Variants in CWC27 observed in about 807,000 individuals in gnomAD.
CWC27 encodes CWC27 spliceosome associated cyclophilin.
A neutral mutation model predicts 63.6 loss-of-function variants in CWC27; 47 were observed. The observed-to-expected ratio is 0.74, with a 90% CI of 0.58 to 0.94. The LOEUF is 0.94. Ranked by LOEUF, CWC27 falls within the 40% of genes least tolerant of loss-of-function variation. The probability of loss-of-function intolerance (pLI) is 0.00; values close to 1 mark genes in which losing one functional copy is unlikely to be tolerated. For missense variants in CWC27, 495 were observed against 554.3 expected (o/e 0.89, Z 1.07); for synonymous variants, 175 against 179.8 (o/e 0.97, Z 0.22).
chr5:64,860,054 T>G (rs546230903), intron 10 of CWC27, among the ~76,000 whole-genome samples: 1 of 152,206 alleles, frequency 6.6e-6, no homozygotes, highest in Non-Finnish European at 1.5e-5. Context: ...AGGCCCATTT[T>G]TAAATTGAGG....
intron 11 of CWC27, among the ~76,000 whole-genome samples, chr5:64,894,169 C>T (rs1747311355): frequency 6.6e-6 from 1 of 152,056 alleles, no homozygotes. Context: ...ACCTCGTGAT[C>T]CACCCGCCTT....
At chr5:64,773,838 G>C (rs1743346243) in intron 1 of CWC27, 1 of 152,162 alleles carries the variant, frequency 6.6e-6, no homozygotes, top group Non-Finnish European at 1.5e-5. Flanking sequence ...CTACCAAGGA[G>C]TATCTGCTGT....
chr5:64,937,031 A>G (rs1046853311), intron 11 of CWC27, among the ~76,000 whole-genome samples: 1 of 151,684 alleles, frequency 6.6e-6, no homozygotes. Flanking sequence ...TTTTGTTGAT[A>G]TTTTCAAAAA....
At chr5:64,772,488 A>G (rs765843569) in intron 1 of CWC27, among the ~76,000 whole-genome samples, 3 of 151,558 alleles carry the variant, frequency 2.0e-5, no homozygotes, top group East Asian at 3.9e-4. Flanking sequence ...GTAGCCGGGC[A>G]TGATGTTGTG....
Position 64,774,771 on chromosome 5 carries a change from C to A in CWC27, c.123C>A (p.Ile41=). 1.3e-6 allele frequency: 2 copies of A among 1,583,196 alleles called. No homozygotes were observed. Among genetic ancestry groups the A allele is most frequent in the Non-Finnish European group, 1.7e-6 (2 of 1,165,930 alleles). The stretch of plus-strand genomic sequence containing the variant: ...CTCCTAAAGCTTGCAGAAATTTTAT[C>A]CAACTTTGTTTGGAAGGTATGTTGA... ...KEAPKACRNF[I]QLCLEAYYDN... Residue 41 remains isoleucine (I), a synonymous_variant, in exon 2 of 14, where the codon ATC becomes ATA. Transcript: ENST00000381070.
At chr5:64,807,627 T>C (rs1007053622) in intron 10 of CWC27, 50 of 1,535,212 alleles carry the variant, frequency 3.3e-5, no homozygotes, top group Non-Finnish European at 4.3e-5. Flanking sequence ...GTATCTTGAC[T>C]ACTGGATACA....
chr5:64,895,985 G>C (rs899137132), intron 11 of CWC27, among the ~76,000 whole-genome samples: 1 of 152,146 alleles, frequency 6.6e-6, no homozygotes, highest in African/African-American at 2.4e-5. Flanking sequence ...AGATGATACT[G>C]AGTGTTTTAT....
At chr5:64,962,559 A>G (rs1748935879) in intron 11 of CWC27, among the ~76,000 whole-genome samples, 1 of 152,088 alleles carries the variant, frequency 6.6e-6, no homozygotes, top group South Asian at 2.1e-4. Flanking sequence ...ATTTTTCAGA[A>G]CTCTATGTGG....
At chr5:64,864,764 T>C (rs563491766) in intron 10 of CWC27, among the ~76,000 whole-genome samples, 1 of 152,272 alleles carries the variant, frequency 6.6e-6, no homozygotes, top group Non-Finnish European at 1.5e-5. Flanking sequence ...TAGAAAAATT[T>C]TAAGTGACAA....
chr5:64,958,881 C>T (rs991262104), intron 11 of CWC27, among the ~76,000 whole-genome samples: 2 of 152,180 alleles, frequency 1.3e-5, no homozygotes, highest in East Asian at 1.9e-4. Context: ...AATCAGTGTT[C>T]AGTGTTGAGG....
chr5:64,797,563 A>G (rs1744319652), intron 7 of CWC27, among the ~76,000 whole-genome samples: 1 of 152,198 alleles, frequency 6.6e-6, no homozygotes, highest in South Asian at 2.1e-4. Flanking sequence ...GTCTTATTTT[A>G]AATTAGTGTA....
At chr5:64,830,674 C>G (rs540667612) in intron 10 of CWC27, among the ~76,000 whole-genome samples, 1 of 152,028 alleles carries the variant, frequency 6.6e-6, no homozygotes, top group Non-Finnish European at 1.5e-5. Context: ...TACAATCTAC[C>G]CATCTGACAA....
At chr5:64,905,292 G>T (rs1747608248) in intron 11 of CWC27, among the ~76,000 whole-genome samples, 1 of 148,634 alleles carries the variant, frequency 6.7e-6, no homozygotes, top group African/African-American at 2.5e-5. Flanking sequence ...CCACACTCAA[G>T]CTAAGATGCC....
At chr5:64,807,790 G>GT in intron 10 of CWC27, 3 of 1,534,934 alleles carry the variant, frequency 2.0e-6, no homozygotes, top group Non-Finnish European at 2.6e-6. Context: ...CTGGCTGCTT[G>GT]TTTTTTTATG....
chr5:64,959,838 C>T (rs1748873005), intron 11 of CWC27, among the ~76,000 whole-genome samples: 1 of 152,178 alleles, frequency 6.6e-6, no homozygotes, highest in African/African-American at 2.4e-5. Context: ...TTATTTAGCA[C>T]ATACTATATG....
intron 13 of CWC27, among the ~76,000 whole-genome samples, chr5:64,994,921 C>A (rs578092876): frequency 1.3e-5 from 2 of 152,048 alleles, no homozygotes; most frequent in African/African-American, 4.8e-5. Flanking sequence ...AGTGTGCTAA[C>A]TGGCCATTTA....
intron 11 of CWC27, among the ~76,000 whole-genome samples, chr5:64,931,818 T>C (rs1174242357): frequency 6.6e-6 from 1 of 152,144 alleles, no homozygotes; most frequent in Non-Finnish European, 1.5e-5. Context: ...ATCATTATGC[T>C]TTTGACATTT....
intron 13 of CWC27, among the ~76,000 whole-genome samples, chr5:64,995,117 G>A (rs914975321): frequency 1.7e-4 from 26 of 150,640 alleles, no homozygotes; most frequent in Admixed American, 6.6e-4. Context: ...GACTACAGGC[G>A]AGCACCACCA....
intron 11 of CWC27, among the ~76,000 whole-genome samples, chr5:64,939,712 C>T (rs1295535000): frequency 1.3e-5 from 2 of 152,194 alleles, no homozygotes; most frequent in Non-Finnish European, 2.9e-5. Context: ...GAAGCAGCAC[C>T]CACAGCCGCT....
Sources: allele counts gnomAD v4.1 joint callset (sites outside exome capture counted in the v4.1 genomes callset), GRCh38; gene constraint gnomAD v4.1.1; transcripts MANE v1.5; gene names NCBI Gene and HGNC (gene_info 2026-07-23, HGNC 2026-07-21).